The following ATF7IP variants were observed in gnomAD, a reference collection of about 807,000 sequenced individuals.
ATF7IP encodes the protein activating transcription factor 7 interacting protein, also known as activating transcription factor 7-interacting protein 1.
In ATF7IP, 23 loss-of-function variants were observed where a neutral mutation model predicts 106.4. The ratio of observed to expected loss-of-function variants is 0.22; its 90% CI spans 0.16 to 0.31. The LOEUF (loss-of-function observed/expected upper bound fraction) is 0.31. Ranked by LOEUF, ATF7IP falls within the 10% of genes least tolerant of loss-of-function variation. The pLI, the probability that ATF7IP is intolerant of heterozygous loss-of-function variation, is 1.00. For synonymous variants in ATF7IP, 542 were observed against 539.0 expected (o/e 1.01, Z -0.08); for missense variants, 1,334 against 1,524.3 (o/e 0.88, Z 2.08).
chr12:14,494,877 G>C (rs947145757), intron 13 of ATF7IP, among the ~76,000 whole-genome samples: 32 of 147,372 alleles, frequency 2.2e-4, no homozygotes, highest in Non-Finnish European at 3.3e-4. Context: ...AGGTTGCAGT[G>C]AGCCGAGATC....
intron 11 of ATF7IP, chr12:14,476,301 G>A (rs997736730): frequency 2.9e-5 from 5 of 175,164 alleles, no homozygotes; most frequent in South Asian, 1.1e-4. Flanking sequence ...GGTCCCAGCT[G>A]CATGGGAGGC....
Position 14,483,976 on chromosome 12 carries a change from G to C in ATF7IP, c.3280+2791G>C, listed in dbSNP as rs574835547. ...GAGTCCATGGATAATAGTCTTGGCAGAAGCATTGTGTGCAGCATAGGCAAA... is the reference window on the plus strand; with the variant it reads ...GAGTCCATGGATAATAGTCTTGGCACAAGCATTGTGTGCAGCATAGGCAAA... On this transcript the variant is annotated intron_variant, in intron 13 of 14. Transcript: ENST00000261168. Among the ~76,000 whole-genome samples the C allele has an allele frequency of 2.6e-5, 4 of 152,272 alleles. No individual in the cohort carries two copies. In the South Asian group the frequency reaches 8.3e-4, roughly 32 times the overall value.
At chr12:14,392,194 T>C (rs1939591738) in intron 1 of ATF7IP, among the ~76,000 whole-genome samples, 1 of 152,232 alleles carries the variant, frequency 6.6e-6, no homozygotes, top group Non-Finnish European at 1.5e-5. Context: ...TTGGTTGCAT[T>C]TGTTTCACAA....
At chr12:14,430,905 T>A (rs1444912628) in intron 2 of ATF7IP, among the ~76,000 whole-genome samples, 1 of 152,214 alleles carries the variant, frequency 6.6e-6, no homozygotes, top group East Asian at 1.9e-4. Context: ...AATTAAGAGG[T>A]TGTGTCAGAC....
chr12:14,446,885 T>A, intron 5 of ATF7IP, 103 bp from the exon 6 acceptor site: 1 of 760,512 alleles, frequency 1.3e-6, no homozygotes, highest in Non-Finnish European at 2.0e-6. Flanking sequence ...CTTCTGAGGA[T>A]CCTGTTTTCT....
intron 5 of ATF7IP, among the ~76,000 whole-genome samples, chr12:14,443,156 A>T (rs1591871782): frequency 6.6e-6 from 1 of 152,104 alleles, no homozygotes; most frequent in African/African-American, 2.4e-5. Flanking sequence ...CTCTGTCTCA[A>T]AAAAGGAAGC....
At chr12:14,371,347 T>C (rs1938526226) in intron 1 of ATF7IP, among the ~76,000 whole-genome samples, 1 of 152,126 alleles carries the variant, frequency 6.6e-6, no homozygotes, top group Non-Finnish European at 1.5e-5. Flanking sequence ...TAAGATATTA[T>C]TGGCCTTTCT....
At chr12:14,383,589 T>G (rs1458243656) in intron 1 of ATF7IP, among the ~76,000 whole-genome samples, 1 of 152,212 alleles carries the variant, frequency 6.6e-6, no homozygotes, top group Non-Finnish European at 1.5e-5. Context: ...GATCTGGCTC[T>G]GTTGACTAGG....
At chr12:14,426,823 C>CAAAAAAAAAA (rs1491532843) in intron 2 of ATF7IP, among the ~76,000 whole-genome samples, 26 of 16,054 alleles carry the variant, frequency 1.6e-3, no homozygotes, top group Non-Finnish European at 2.5e-3. Flanking sequence ...GACCCTGCCT[C>CAAAAAAAAAA]AAAAAAAAAA....
Position 14,424,044 on chromosome 12 carries a change from G to A in ATF7IP, c.129G>A (p.Leu43=). 1 of 1,614,174 alleles carries A rather than the reference G, an allele frequency of 6.2e-7. No individual in the cohort carries two copies. The highest frequency in any genetic ancestry group is 8.5e-7 in the Non-Finnish European group (1 of 1,180,026). Residue 43 remains leucine, a synonymous_variant, in exon 2 of 15, where the codon CTG becomes CTA. Coordinates refer to ENST00000261168, the MANE Select transcript of ATF7IP (RefSeq NM_018179.5). ...KEELLKTDVK[L]LNGNHENGDL... is the part of the protein sequence containing the mutation. ...AACTGTTGAAAACTGATGTCAAGCTGTTAAATGGCAACCATGAAAATGGAG... is the reference window on the plus strand; with the variant it reads ...AACTGTTGAAAACTGATGTCAAGCTATTAAATGGCAACCATGAAAATGGAG...
At position 14,444,995 on chromosome 12, in the gene ATF7IP, T is replaced by G. The variant is rs536633907; in HGVS notation, c.1930-1993T>G. ...ATTTTTAGTGTAACCACCTAGTTTT[T>G]TTTTTTTTTTTTTTGAGACAGAGTC... is the stretch of plus-strand genomic sequence containing the variant. On this transcript the variant is annotated intron_variant, in intron 5 of 14. Coordinates refer to ENST00000261168, the MANE Select transcript of ATF7IP (RefSeq NM_018179.5). 4.1e-3 allele frequency among the ~76,000 whole-genome samples: 621 copies of G among 149,814 alleles called. 3 individuals are homozygous for G. The highest frequency in any genetic ancestry group is 0.015 in the African/African-American group (596 of 40,790).
intron 10 of ATF7IP, among the ~76,000 whole-genome samples, chr12:14,474,055 C>T (rs1311476636): frequency 1.3e-5 from 2 of 151,814 alleles, no homozygotes; most frequent in Admixed American, 6.6e-5. Flanking sequence ...TAATGTTTTC[C>T]ACCAAATTTG....
chr12:14,487,812 C>G (rs139816677), intron 13 of ATF7IP, among the ~76,000 whole-genome samples: 8 of 152,244 alleles, frequency 5.3e-5, no homozygotes, highest in African/African-American at 1.9e-4. Context: ...TCATCATTTT[C>G]TTTTATCACT....
In ATF7IP at chr12:14,468,622, G is replaced by A. The variant is rs552721071; in HGVS notation, c.2862+2032G>A. Among the ~76,000 whole-genome samples, 144 of 152,286 alleles carry A rather than the reference G, an allele frequency of 9.5e-4. 1 individual carries two copies. Among genetic ancestry groups the A allele is most frequent in the Admixed American group, 4.6e-3 (71 of 15,294 alleles). On this transcript the variant is annotated intron_variant, in intron 10 of 14. Transcript: ENST00000261168. ...CAAGGAAGAGGAATTTAATATCTGA[G>A]TATAAAAAATGCGTACAAGCAGTTT... is the stretch of plus-strand genomic sequence containing the variant.
intron 9 of ATF7IP, among the ~76,000 whole-genome samples, chr12:14,463,974 T>G (rs1030092621): frequency 5.9e-5 from 9 of 152,152 alleles, no homozygotes; most frequent in Non-Finnish European, 1.3e-4. Flanking sequence ...CCATATACAA[T>G]GTACTCTCTC....
At chr12:14,457,025 AC>A (rs1943453868) in intron 7 of ATF7IP, among the ~76,000 whole-genome samples, 181 bp from the exon 8 acceptor site, 1 of 152,100 alleles carries the variant, frequency 6.6e-6, no homozygotes, top group Admixed American at 6.5e-5. Context: ...AATGCCACAG[AC>A]CCCAGCATTT....
chr12:14,447,048 C>G lies in ATF7IP; in HGVS notation c.1990C>G (p.His664Asp). ...AGCCAAAGAAGATCTTAAGAAAAGA[C>G]ATGAAGTAAAATTTTTCTATTCTTG... ...EAAKEDLKKR[H>D]EHPPNPPVSP... The change falls in exon 6 of 15, where the codon CAT (histidine) becomes GAT (aspartate). Residue 664 changes from histidine to aspartate, a missense_variant. By Grantham distance (81) the His-to-Asp change is moderately conservative. This residue lies in a region of ATF7IP where 171 missense variants were observed against 172.6 expected (regional missense o/e 0.99). Coordinates refer to ENST00000261168, the MANE Select transcript of ATF7IP (RefSeq NM_018179.5). 1 of 1,575,000 alleles carries G rather than the reference C, an allele frequency of 6.3e-7. No homozygotes were observed. The highest frequency in any genetic ancestry group is 8.6e-7 in the Non-Finnish European group (1 of 1,163,558).
intron 2 of ATF7IP, among the ~76,000 whole-genome samples, chr12:14,433,000 T>C (rs1942216283): frequency 6.6e-6 from 1 of 152,232 alleles, no homozygotes; most frequent in Non-Finnish European, 1.5e-5. Flanking sequence ...TTATTTAATA[T>C]AATTGTATAG....
intron 1 of ATF7IP, among the ~76,000 whole-genome samples, chr12:14,415,642 TACTC>T (rs1308147549): frequency 6.6e-6 from 1 of 151,964 alleles, no homozygotes; most frequent in Non-Finnish European, 1.5e-5. Context: ...CTTGATAACT[TACTC>T]AACTGAGTTT....
Sources: allele counts gnomAD v4.1 joint callset (sites outside exome capture counted in the v4.1 genomes callset), GRCh38; gene constraint gnomAD v4.1.1; regional missense constraint gnomAD v4.1.1; transcripts MANE v1.5; gene names NCBI Gene and HGNC (gene_info 2026-07-23, HGNC 2026-07-21).